Variants in MFF observed in about 807,000 individuals in gnomAD.
MFF encodes the protein mitochondrial fission factor, also known as chromosome 2 open reading frame 33.
Under a neutral mutation model 36.9 loss-of-function variants are expected in MFF, and 12 were observed. That is an observed-to-expected ratio of 0.33 (90% CI 0.21 to 0.53). MFF has a LOEUF of 0.53. Among genes scored for constraint, MFF ranks in the 20% least tolerant of loss-of-function variants. The pLI is 0.95. For missense variants in MFF, 348 were observed against 366.6 expected (o/e 0.95, Z 0.42); for synonymous variants, 99 against 126.2 (o/e 0.78, Z 1.44).
chr2:227,352,682 TC>T, intron 7 of MFF, 109 bp downstream of exon 7: 1 of 880,862 alleles, frequency 1.1e-6, no homozygotes, highest in Admixed American at 1.9e-5. Context: ...TGAACTTGTT[TC>T]TACAGCTTTC....
intron 4 of MFF, among the ~76,000 whole-genome samples, chr2:227,338,970 A>G (rs1312998387): frequency 3.3e-5 from 5 of 151,624 alleles, no homozygotes; most frequent in South Asian, 2.1e-4. Context: ...TGGGAGGCCA[A>G]GGTGGGCAGA....
intron 1 of MFF, among the ~76,000 whole-genome samples, chr2:227,326,846 C>T (rs1211325241): frequency 1.1e-4 from 17 of 152,004 alleles, no homozygotes; most frequent in Non-Finnish European, 1.9e-4. Context: ...TAAACATTTG[C>T]AACCACAGTC....
At chr2:227,346,545 T>C (rs1349750994) in intron 5 of MFF, among the ~76,000 whole-genome samples, 1 of 152,200 alleles carries the variant, frequency 6.6e-6, no homozygotes, top group Non-Finnish European at 1.5e-5. Flanking sequence ...TTATCAGCCA[T>C]TGATAATTTA....
chr2:227,347,453 G>A (rs2075773440), intron 6 of MFF, 69 bp downstream of exon 6: 1 of 1,320,568 alleles, frequency 7.6e-7, no homozygotes, highest in African/African-American at 1.5e-5. Flanking sequence ...AGTGGACTGT[G>A]GTGTCTTTCT....
At chr2:227,335,724 A>C (rs2074951876) in intron 4 of MFF, among the ~76,000 whole-genome samples, 1 of 152,216 alleles carries the variant, frequency 6.6e-6, no homozygotes, top group Non-Finnish European at 1.5e-5. Flanking sequence ...TGGCTTAAAG[A>C]ATCCAGGTGA....
chr2:227,326,800 TTTTG>T (rs1392288283), intron 1 of MFF, among the ~76,000 whole-genome samples: 8 of 152,144 alleles, frequency 5.3e-5, no homozygotes, highest in African/African-American at 7.2e-5. Flanking sequence ...TTTGGTTTGT[TTTTG>T]TTTGTTTGTA....
At chr2:227,344,066 G>A (rs781719409) in intron 5 of MFF, among the ~76,000 whole-genome samples, 67 of 152,110 alleles carry the variant, frequency 4.4e-4, no homozygotes, top group Non-Finnish European at 3.5e-4. Flanking sequence ...GGGATTATAG[G>A]CATGAGCCAC....
At chr2:227,353,546 C>T (rs1218725828) in intron 7 of MFF, among the ~76,000 whole-genome samples, 2 of 152,130 alleles carry the variant, frequency 1.3e-5, no homozygotes, top group Non-Finnish European at 2.9e-5. Flanking sequence ...TAGTTCAGTT[C>T]ATTGTCGTTT....
chr2:227,342,143 T>C (rs946340508), intron 5 of MFF, among the ~76,000 whole-genome samples: 8 of 152,018 alleles, frequency 5.3e-5, no homozygotes, highest in Non-Finnish European at 1.2e-4. Flanking sequence ...AAACTGAAAA[T>C]CTCATTTTTG....
At chr2:227,330,461 GA>G in intron 2 of MFF, 164 bp from the exon 3 acceptor site, 1 of 587,980 alleles carries the variant, frequency 1.7e-6, no homozygotes. Context: ...TTTTGTTGAG[GA>G]AGACATTTTC....
chr2:227,332,260 C>T (rs866822495), intron 3 of MFF, among the ~76,000 whole-genome samples, 159 bp from the exon 4 acceptor site: 45 of 152,068 alleles, frequency 3.0e-4, no homozygotes, highest in Middle Eastern at 3.2e-3. Context: ...GCGTGAGCCA[C>T]CGCGCCCGGC....
chr2:227,331,965 T>A (rs879620414), intron 3 of MFF, among the ~76,000 whole-genome samples: 7,590 of 97,342 alleles, frequency 0.078, 644 homozygotes, highest in African/African-American at 0.11. Flanking sequence ...AAGCATTTTT[T>A]TTTTTTTTTT....
intron 2 of MFF, chr2:227,330,217 T>G (rs1231841683): frequency 5.7e-6 from 1 of 175,230 alleles, no homozygotes; most frequent in Non-Finnish European, 1.2e-5. Flanking sequence ...ATGACAGTAA[T>G]TTTTAATTTT....
chr2:227,333,508 T>G (rs571351452), intron 4 of MFF, among the ~76,000 whole-genome samples: 5 of 152,216 alleles, frequency 3.3e-5, no homozygotes, highest in Non-Finnish European at 7.3e-5. Context: ...ATTTTTTAAC[T>G]TTTATCTCTG....
chr2:227,336,426 A>C (rs955567300), intron 4 of MFF, among the ~76,000 whole-genome samples: 1 of 152,246 alleles, frequency 6.6e-6, no homozygotes. Flanking sequence ...TTGGAAGAGC[A>C]CTGAACCCCA....
At chr2:227,344,258 T>C (rs2075582239) in intron 5 of MFF, among the ~76,000 whole-genome samples, 1 of 152,238 alleles carries the variant, frequency 6.6e-6, no homozygotes, top group African/African-American at 2.4e-5. Context: ...TGGAATCAGT[T>C]TATCAAATTG....
chr2:227,352,351 C>T (rs766562835), intron 6 of MFF, 163 bp from the exon 7 acceptor site: 8 of 566,220 alleles, frequency 1.4e-5, no homozygotes, highest in Non-Finnish European at 2.2e-5. Context: ...ATGGAGGACA[C>T]ATGAGACAAG....
intron 4 of MFF, among the ~76,000 whole-genome samples, chr2:227,337,893 C>G (rs2075126022): frequency 6.6e-6 from 1 of 151,544 alleles, no homozygotes; most frequent in South Asian, 2.1e-4. Context: ...CCAAAAAATA[C>G]AAAAATTAGC....
Position 227,347,305 on chromosome 2 carries a change from C to T in MFF, c.520C>T (p.Arg174Cys), listed in dbSNP as rs762289133. The change falls in exon 6 of 9, where the codon CGT (arginine) becomes TGT (cysteine). Residue 174 changes from arginine to cysteine, a missense_variant. Physicochemically the swap from Arg to Cys is radical, Grantham distance 180 (BLOSUM62 -3). Coordinates refer to ENST00000304593, the MANE Select transcript of MFF (RefSeq NM_001277062.2). Reference protein sequence around the residue: ...PEDGANLSSARGILSLIQSST... With the variant: ...PEDGANLSSACGILSLIQSST... ...AGATGGAGCTAATCTTTCCTCTGCTCGTGGCATTTTGTCGCTTATCCAGTC... is the reference window on the plus strand; with the variant it reads ...AGATGGAGCTAATCTTTCCTCTGCTTGTGGCATTTTGTCGCTTATCCAGTC... The T allele has an allele frequency of 5.6e-6, 9 of 1,613,518 alleles. No individual in the cohort carries two copies. The highest frequency in any genetic ancestry group is 1.7e-4 in the Middle Eastern group (1 of 6,056).
Sources: allele counts gnomAD v4.1 joint callset (sites outside exome capture counted in the v4.1 genomes callset), GRCh38; gene constraint gnomAD v4.1.1; transcripts MANE v1.5; gene names NCBI Gene and HGNC (gene_info 2026-07-23, HGNC 2026-07-21).